Variants in BTAF1 observed in about 807,000 individuals in gnomAD.
The protein encoded by BTAF1 is TATA-binding protein-associated factor 172.
BTAF1 carries 38 observed loss-of-function variants against 227.1 expected under a neutral mutation model. That is an observed-to-expected ratio of 0.17 (90% CI 0.13 to 0.22). BTAF1 has a LOEUF of 0.22. Ranked by LOEUF, BTAF1 falls within the 10% of genes least tolerant of loss-of-function variation. The pLI, the probability that BTAF1 is intolerant of heterozygous loss-of-function variation, is 1.00. For missense variants in BTAF1, 1,598 were observed against 2,204.0 expected (o/e 0.73, Z 5.51); for synonymous variants, 742 against 751.9 (o/e 0.99, Z 0.21).
rs1851809131 is a variant in BTAF1 at position 92,030,192 on chromosome 10, T to A, written c.*1259T>A. On this transcript the variant is annotated 3_prime_UTR_variant, in exon 38 of 38. Coordinates refer to ENST00000265990, the MANE Select transcript of BTAF1 (RefSeq NM_003972.3). ...CAGACCTCAGCTGTACAATAACAGG[T>A]GTTTTGTTTAATTAAAATTATACTG... The A allele has an allele frequency of 6.6e-6, 1 of 152,618 alleles. No individual in the cohort carries two copies. Among genetic ancestry groups the A allele is most frequent in the East Asian group, 1.9e-4 (1 of 5,190 alleles). 9.5% of individuals were successfully genotyped at this position (152,618 alleles called of 1,614,324 possible). A position where few individuals can be genotyped will look rare whatever the true frequency, so the allele number is the denominator to read the frequency against.
intron 36 of BTAF1, 107 bp from the exon 37 acceptor site, chr10:92,027,023 A>G (rs773533467): frequency 1.7e-5 from 20 of 1,203,528 alleles, no homozygotes; most frequent in Admixed American, 2.6e-5. Flanking sequence ...TAAAAATCCA[A>G]CCCTAATTAG....
At chr10:91,938,185 A>G (rs1844763977) in intron 2 of BTAF1, among the ~76,000 whole-genome samples, 2 of 152,236 alleles carry the variant, frequency 1.3e-5, no homozygotes, top group African/African-American at 2.4e-5. Context: ...TTCATATGGT[A>G]TAGTTCTTCA....
At chr10:91,964,290 CT>C in intron 13 of BTAF1, 89 bp downstream of exon 13, 1 of 1,406,230 alleles carries the variant, frequency 7.1e-7, no homozygotes, top group Non-Finnish European at 9.7e-7. Context: ...ATTTTAGCAC[CT>C]TTAAGAATAA....
intron 25 of BTAF1, among the ~76,000 whole-genome samples, chr10:92,003,175 C>T (rs961279496): frequency 4.7e-5 from 7 of 148,362 alleles, no homozygotes; most frequent in Non-Finnish European, 7.4e-5. Flanking sequence ...AAAAAAGTTA[C>T]GGCGTCCAAC....
intron 23 of BTAF1, among the ~76,000 whole-genome samples, chr10:91,995,087 G>T (rs1177783883): frequency 1.3e-5 from 2 of 152,158 alleles, no homozygotes; most frequent in African/African-American, 2.4e-5. Context: ...ACTGGTTTGG[G>T]ATTTTTTTAA....
Position 91,935,669 on chromosome 10 carries a change from T to C in BTAF1, c.27T>C (p.Leu9=), listed in dbSNP as rs1226217921. Residue 9 remains leucine, a synonymous_variant, in exon 2 of 38, where the codon CTT becomes CTC. Transcript: ENST00000265990. The part of the protein sequence containing the change: MAVSRLDR[L]FILLDTGTTP... ...TTTGTTATTTCAGGCTAGATCGCCT[T>C]TTTATTTTACTGGATACTGGCACTA... 4 of 1,612,812 alleles carry C rather than the reference T, an allele frequency of 2.5e-6. No homozygotes were observed. Among genetic ancestry groups the C allele is most frequent in the Non-Finnish European group, 3.4e-6 (4 of 1,179,468 alleles).
intron 20 of BTAF1, among the ~76,000 whole-genome samples, chr10:91,991,271 A>AAATATATATATATATATATATATAT (rs1564699928): frequency 1.4e-4 from 9 of 66,214 alleles, no homozygotes; most frequent in East Asian, 9.1e-4. Flanking sequence ...TATAAATATA[A>AAATATATATATATATATATATATAT]ATATATATAT....
intron 20 of BTAF1, 56 bp from the exon 21 acceptor site, chr10:91,992,063 A>T (rs990133321): frequency 2.3e-5 from 33 of 1,405,902 alleles, no homozygotes; most frequent in Non-Finnish European, 3.1e-5. Context: ...GGAGCTGAAA[A>T]CATTTGGTAT....
chr10:91,953,894 A>G (rs1208639866), intron 6 of BTAF1, 21 bp downstream of exon 6: 1 of 1,611,886 alleles, frequency 6.2e-7, no homozygotes, highest in African/African-American at 1.3e-5. Context: ...TTTTTTGCCT[A>G]TTCACTTAAA....
Position 91,997,781 on chromosome 10 carries a change from T to C in BTAF1, c.3660+30T>C, listed in dbSNP as rs373317240. On this transcript the variant is annotated intron_variant, in intron 25 of 37. Coordinates refer to ENST00000265990, the MANE Select transcript of BTAF1 (RefSeq NM_003972.3). ...GTCAAAGATACTTGCTTTAAAGACA[T>C]AATGTTTTCTATAACTTGATCCATA... 7 of 1,603,862 alleles carry C rather than the reference T, an allele frequency of 4.4e-6. No homozygotes were observed. The African/African-American group carries it at 5.3e-5, about 12-fold the overall frequency.
intron 35 of BTAF1, among the ~76,000 whole-genome samples, chr10:92,025,810 CAAAAAAAA>C (rs71025383): frequency 1.2e-5 from 1 of 86,900 alleles, no homozygotes; most frequent in South Asian, 4.3e-4. Context: ...GACTCTGTCT[CAAAAAAAA>C]AAAAAAAAAA....
intron 14 of BTAF1, among the ~76,000 whole-genome samples, chr10:91,976,111 T>C (rs1422471486): frequency 1.3e-5 from 2 of 152,156 alleles, no homozygotes; most frequent in Admixed American, 1.3e-4. Flanking sequence ...TTTGATAACT[T>C]GTTAGAATGC....
intron 25 of BTAF1, among the ~76,000 whole-genome samples, chr10:92,004,239 G>A (rs1489168054): frequency 6.6e-6 from 1 of 152,076 alleles, no homozygotes; most frequent in Non-Finnish European, 1.5e-5. Context: ...GTTTGATGCA[G>A]TCCTATTTGT....
At chr10:91,947,290 C>T (rs1238193634) in intron 4 of BTAF1, among the ~76,000 whole-genome samples, 2 of 152,088 alleles carry the variant, frequency 1.3e-5, no homozygotes, top group Non-Finnish European at 2.9e-5. Flanking sequence ...ATGTAAGAAA[C>T]TTGCCAAATT....
chr10:92,008,374 T>G, intron 26 of BTAF1, 99 bp downstream of exon 26: 4 of 1,170,638 alleles, frequency 3.4e-6, no homozygotes, highest in African/African-American at 1.6e-5. Flanking sequence ...GACAGAGTCT[T>G]GCTCTGTTGC....
chr10:91,964,299 T>G (rs1042530377), intron 13 of BTAF1, 98 bp downstream of exon 13: 38 of 1,354,646 alleles, frequency 2.8e-5, no homozygotes, highest in Non-Finnish European at 3.7e-5. Context: ...CCTTTAAGAA[T>G]AATATTATTT....
intron 37 of BTAF1, among the ~76,000 whole-genome samples, chr10:92,027,802 A>G (rs866938776): frequency 6.6e-6 from 1 of 152,202 alleles, no homozygotes; most frequent in African/African-American, 2.4e-5. Context: ...AAAAGGATGC[A>G]CCACTTGGAA....
chr10:91,956,196 G>A (rs1846073483), intron 6 of BTAF1, among the ~76,000 whole-genome samples: 1 of 152,100 alleles, frequency 6.6e-6, no homozygotes, highest in Admixed American at 6.5e-5. Flanking sequence ...TGGACCAGAT[G>A]CAGGTTATAT....
chr10:91,955,888 G>A (rs772636187), intron 6 of BTAF1, among the ~76,000 whole-genome samples: 1 of 152,194 alleles, frequency 6.6e-6, no homozygotes, highest in Non-Finnish European at 1.5e-5. Flanking sequence ...AAGATGGAGA[G>A]AGGGGAGAAG....
Sources: allele counts gnomAD v4.1 joint callset (sites outside exome capture counted in the v4.1 genomes callset), GRCh38; gene constraint gnomAD v4.1.1; transcripts MANE v1.5; gene names NCBI Gene and HGNC (gene_info 2026-07-23, HGNC 2026-07-21).